RALGAPB: variants seen among roughly 807,000 people sequenced by gnomAD.
RALGAPB encodes the protein Ral GTPase activating protein non-catalytic subunit beta.
Under a neutral mutation model 161.1 loss-of-function variants are expected in RALGAPB, and 25 were observed. The observed-to-expected ratio is 0.16, with a 90% confidence interval of 0.11 to 0.22. The LOEUF is 0.22. Among genes scored for constraint, RALGAPB ranks in the 10% least tolerant of loss-of-function variants. The probability of loss-of-function intolerance (pLI) is 1.00; values close to 1 mark genes in which losing one functional copy is unlikely to be tolerated. For synonymous variants in RALGAPB, 629 were observed against 626.1 expected, an observed-to-expected ratio of 1.00 and a Z score of -0.07; for missense variants, 1,391 against 1,815.2, an observed-to-expected ratio of 0.77 and a Z score of 4.25.
At chr20:38,492,706 A>T (rs1213837483) in intron 2 of RALGAPB, among the ~76,000 whole-genome samples, 1 of 152,238 alleles carries the variant, frequency 6.6e-6, no homozygotes, top group Non-Finnish European at 1.5e-5. Context: ...CATAGGCTTG[A>T]TATTCAAAAA....
At chr20:38,569,123 C>G (rs2088127350) in intron 26 of RALGAPB, 1 of 152,168 alleles carries the variant, frequency 6.6e-6, no homozygotes, top group African/African-American at 2.4e-5. Context: ...CTCTGGTCAT[C>G]TGGTAAAGAC....
chr20:38,526,474 C>T (rs575708646), intron 13 of RALGAPB, among the ~76,000 whole-genome samples: 7 of 152,080 alleles, frequency 4.6e-5, no homozygotes, highest in Non-Finnish European at 1.0e-4. Flanking sequence ...TCTGCACTTT[C>T]GTCCTAGTCC....
chr20:38,567,324 A>G (rs577860297), intron 26 of RALGAPB, 92 bp downstream of exon 26: 43 of 1,493,352 alleles, frequency 2.9e-5, no homozygotes, highest in East Asian at 7.0e-5. Flanking sequence ...CCCAGAGAGT[A>G]TTTATATCAG....
chr20:38,498,203 C>T (rs1376295877), intron 4 of RALGAPB, among the ~76,000 whole-genome samples: 1 of 152,112 alleles, frequency 6.6e-6, no homozygotes, highest in African/African-American at 2.4e-5. Flanking sequence ...CAAATGAAAC[C>T]TCCAAAGTCT....
rs1019355694 is a variant in RALGAPB at position 38,565,388 on chromosome 20, A to G, written c.3727A>G (p.Ser1243Gly). ...EVISSEDIGA[S>G]IFNGQKKVLY... is the part of the protein sequence containing the mutation. ...GATTTCCTCTGAAGATATTGGAGCT[A>G]GCATTTTCAATGGACAGAAGAAGGT... The change falls in exon 25 of 30, where the codon AGC becomes GGC. Residue 1243 changes from serine to glycine, a missense_variant. Coordinates refer to ENST00000262879, the MANE Select transcript of RALGAPB (RefSeq NM_020336.4). 6.2e-7 allele frequency: 1 copy of G among 1,613,666 alleles called. No individual in the cohort carries two copies. The highest frequency in any genetic ancestry group is 8.5e-7 in the Non-Finnish European group (1 of 1,179,696).
intron 24 of RALGAPB, among the ~76,000 whole-genome samples, chr20:38,564,708 A>T (rs1314748609): frequency 1.3e-5 from 2 of 152,172 alleles, no homozygotes; most frequent in East Asian, 1.9e-4. Flanking sequence ...GTACATTTTT[A>T]TACAGTGTCA....
At position 38,576,598 on chromosome 20, in the gene RALGAPB, T is replaced by A. The variant is rs937766753; in HGVS notation, c.*1631T>A. On this transcript the variant is annotated 3_prime_UTR_variant, in exon 30 of 30. Transcript: ENST00000262879. ...CCATTCAGGTTATAGTATTATTCAA[T>A]AGTTGATTTTCTTTTTAAGCTGGGC... 1 of 152,276 alleles carries A rather than the reference T, an allele frequency of 6.6e-6. No homozygotes were observed. Among genetic ancestry groups the A allele is most frequent in the Non-Finnish European group, 1.5e-5 (1 of 68,044 alleles). The allele number at this position is 152,276 out of a possible 1,614,324, so 9.4% of individuals were successfully genotyped here.
intron 9 of RALGAPB, among the ~76,000 whole-genome samples, chr20:38,518,505 G>T (rs535709100): frequency 6.6e-6 from 1 of 152,078 alleles, no homozygotes; most frequent in African/African-American, 2.4e-5. Flanking sequence ...AATATTATTT[G>T]CTTTTTAACT....
chr20:38,518,318 A>T (rs1346671541), intron 9 of RALGAPB, among the ~76,000 whole-genome samples: 2 of 152,198 alleles, frequency 1.3e-5, no homozygotes, highest in African/African-American at 4.8e-5. Context: ...AGCCAGGATA[A>T]TAAAATTTAT....
chr20:38,522,167 G>A (rs561080213), intron 10 of RALGAPB, among the ~76,000 whole-genome samples: 4 of 152,328 alleles, frequency 2.6e-5, no homozygotes, highest in South Asian at 2.1e-4. Context: ...AAGAAGCAGC[G>A]CACATTTATT....
chr20:38,570,788 G>A lies in RALGAPB; in HGVS notation c.4083G>A (p.Glu1361=). 6.2e-7 allele frequency: 1 copy of A among 1,606,676 alleles called. No homozygotes were observed. The change falls in exon 28 of 30, where the codon GAG becomes GAA. Residue 1361 remains glutamate (E), a synonymous_variant. Transcript: ENST00000262879. ...YDDIENFPLS[E]LMTEISTGVE... ...TTCCAGAAAACTTTCCCCTCTCAGAGCTGATGACAGAGATCAGTACTGGTG... is the reference window on the plus strand; with the variant it reads ...TTCCAGAAAACTTTCCCCTCTCAGAACTGATGACAGAGATCAGTACTGGTG...
intron 6 of RALGAPB, among the ~76,000 whole-genome samples, chr20:38,510,771 G>A (rs1382261721): frequency 7.1e-6 from 1 of 140,772 alleles, no homozygotes. Flanking sequence ...TTAGCCGGGC[G>A]TAGTGGCGGG....
intron 22 of RALGAPB, among the ~76,000 whole-genome samples, chr20:38,556,695 A>G (rs1226467241): frequency 6.6e-6 from 1 of 152,136 alleles, no homozygotes; most frequent in African/African-American, 2.4e-5. Context: ...CTGGATTAGA[A>G]GATCACACAG....
At chr20:38,519,341 A>T (rs1269738278) in intron 9 of RALGAPB, among the ~76,000 whole-genome samples, 2 of 152,098 alleles carry the variant, frequency 1.3e-5, no homozygotes, top group Non-Finnish European at 2.9e-5. Context: ...TTTCTGTACC[A>T]TGTTTATATT....
intron 16 of RALGAPB, among the ~76,000 whole-genome samples, chr20:38,536,299 G>A (rs562401883): frequency 5.3e-5 from 8 of 152,282 alleles, no homozygotes; most frequent in African/African-American, 1.9e-4. Flanking sequence ...TGTAGAATGT[G>A]TCAGAACTGT....
intron 20 of RALGAPB, among the ~76,000 whole-genome samples, chr20:38,549,232 A>AT (rs941481735): frequency 1.3e-5 from 2 of 151,648 alleles, no homozygotes; most frequent in Non-Finnish European, 2.9e-5. Context: ...TATAAATTTT[A>AT]TTTTTTTTAT....
At chr20:38,487,263 G>T (rs578067162) in intron 1 of RALGAPB, among the ~76,000 whole-genome samples, 7 of 152,292 alleles carry the variant, frequency 4.6e-5, no homozygotes, top group Non-Finnish European at 8.8e-5. Flanking sequence ...TGGGAAAGTG[G>T]CAGTAGAAGA....
At chr20:38,527,389 C>G (rs2123157364) in intron 13 of RALGAPB, among the ~76,000 whole-genome samples, 2 of 152,196 alleles carry the variant, frequency 1.3e-5, no homozygotes, top group Non-Finnish European at 2.9e-5. Flanking sequence ...TCCAGAGACA[C>G]CTAATTAGTA....
At chr20:38,571,030 T>A (rs1366037927) in intron 28 of RALGAPB, among the ~76,000 whole-genome samples, 183 bp downstream of exon 28, 1 of 152,220 alleles carries the variant, frequency 6.6e-6, no homozygotes, top group Admixed American at 6.5e-5. Flanking sequence ...CATGGATTTT[T>A]TTAAAACCAC....
Sources: allele counts gnomAD v4.1 joint callset (sites outside exome capture counted in the v4.1 genomes callset), GRCh38; gene constraint gnomAD v4.1.1; transcripts MANE v1.5; gene names NCBI Gene and HGNC (gene_info 2026-07-23, HGNC 2026-07-21).